The following MRGPRX3 variants were observed in gnomAD, a reference collection of about 807,000 sequenced individuals.
MRGPRX3 encodes MAS related GPR family member X3, also known as mas-related G protein-coupled receptor member X3.
MRGPRX3 carries 14 observed loss-of-function variants against 16.5 expected under a neutral mutation model. That is an observed-to-expected ratio of 0.85 (90% CI 0.56 to 1.33). The LOEUF (loss-of-function observed/expected upper bound fraction) is 1.33, where lower values mean the gene tolerates loss of function less well. Among genes scored for constraint, MRGPRX3 ranks in the 40% most tolerant of loss-of-function variants. The probability of loss-of-function intolerance (pLI) is 0.00; values close to 1 mark genes in which losing one functional copy is unlikely to be tolerated. For synonymous variants in MRGPRX3, 199 were observed against 180.1 expected, an observed-to-expected ratio of 1.10 and a Z score of -0.84; for missense variants, 449 against 413.0, an observed-to-expected ratio of 1.09 and a Z score of -0.76.
Position 18,137,435 on chromosome 11 carries a change from G to A in MRGPRX3, c.233G>A (p.Gly78Asp). The stretch of plus-strand genomic sequence containing the variant: ...GCGGCCGACTTCCTCTTCCTTAGCG[G>A]CCACATTATATGTTCGCCGTTACGC... The part of the protein sequence containing the change: ...LVAADFLFLS[G>D]HIICSPLRLI... The change falls in exon 2 of 2, where the codon GGC (glycine) becomes GAC (aspartate). Residue 78 changes from glycine to aspartate, a missense_variant. Gly to Asp is a moderately conservative substitution (Grantham distance 94). Coordinates refer to ENST00000621697, the MANE Select transcript of MRGPRX3 (RefSeq NM_001370464.1). The A allele has an allele frequency of 6.2e-7, 1 of 1,614,158 alleles. No homozygotes were observed. The highest frequency in any genetic ancestry group is 8.5e-7 in the Non-Finnish European group (1 of 1,180,042).
chr11:18,129,577 G>C (rs1161557614), upstream of MRGPRX3, among the ~76,000 whole-genome samples: 1 of 152,116 alleles, frequency 6.6e-6, no homozygotes, highest in Non-Finnish European at 1.5e-5. Flanking sequence ...TACAAGACCA[G>C]ATGTATTCAC....
Position 18,138,047 on chromosome 11 carries a change from A to G in MRGPRX3, c.845A>G (p.Gln282Arg), listed in dbSNP as rs1295028826. ...TTCGTGGGCTCCTTTAGGCAGCGTC[A>G]AAATAGGCAGAACCTGAAGCTGGTT... ...YFFVGSFRQR[Q>R]NRQNLKLVLQ... The change falls in exon 2 of 2, where the codon CAA (glutamine) becomes CGA (arginine). Residue 282 changes from glutamine (Q) to arginine (R), a missense_variant. Gln to Arg is a conservative substitution (Grantham distance 43). Coordinates refer to ENST00000621697, the MANE Select transcript of MRGPRX3 (RefSeq NM_001370464.1). The G allele has an allele frequency of 4.3e-6, 7 of 1,614,042 alleles. No homozygotes were observed. The highest frequency in any genetic ancestry group is 5.9e-6 in the Non-Finnish European group (7 of 1,180,040).
chr11:18,134,967 C>T (rs565039448), intron 1 of MRGPRX3, among the ~76,000 whole-genome samples: 7 of 152,300 alleles, frequency 4.6e-5, no homozygotes, highest in Non-Finnish European at 1.0e-4. Context: ...CCAGCAGTCT[C>T]TTCAGCCCCT....
rs780805959 is a variant in MRGPRX3, at chr11:18,137,226, G to A, written c.24G>A (p.Leu8=). 8 of 1,603,906 alleles carry A rather than the reference G, an allele frequency of 5.0e-6. No homozygotes were observed. Among genetic ancestry groups the A allele is most frequent in the African/African-American group, 1.3e-5 (1 of 74,714 alleles). Residue 8 remains leucine, a synonymous_variant, in exon 2 of 2, where the codon TTG becomes TTA. Coordinates refer to ENST00000621697, the MANE Select transcript of MRGPRX3 (RefSeq NM_001370464.1). ...GCATGGATTCAACCATCCCAGTCTT[G>A]GGTACAGAACTGACACCAATCAACG... The part of the protein sequence containing the change: MDSTIPV[L]GTELTPINGR...
chr11:18,127,283 C>A (rs946689985), intron 1 of MRGPRX3, among the ~76,000 whole-genome samples: 5 of 152,146 alleles, frequency 3.3e-5, no homozygotes, highest in African/African-American at 4.8e-5. Context: ...ATCTTTGTGG[C>A]ATTCTCTGTA....
rs1483858168 is a variant in MRGPRX3, at chr11:18,138,397, T to C, written c.*226T>C. On this transcript the variant is annotated 3_prime_UTR_variant, in exon 2 of 2. Coordinates refer to ENST00000621697, the MANE Select transcript of MRGPRX3 (RefSeq NM_001370464.1). ...TTCTCCTTGATATTACCAATACATT[T>C]TCCCTGTTATCTTGCACTGAATCTT... 3 of 575,188 alleles carry C rather than the reference T, an allele frequency of 5.2e-6. No homozygotes were observed. Among genetic ancestry groups the C allele is most frequent in the Non-Finnish European group, 8.7e-6 (3 of 344,220 alleles). 35.6% of individuals were successfully genotyped at this position (575,188 alleles called of 1,614,324 possible). A position where few individuals can be genotyped will look rare whatever the true frequency, so the allele number is the denominator to read the frequency against.
At chr11:18,131,087 G>C (rs1226884880), upstream of MRGPRX3, among the ~76,000 whole-genome samples, 1 of 152,126 alleles carries the variant, frequency 6.6e-6, no homozygotes, top group Non-Finnish European at 1.5e-5. Flanking sequence ...AATTCTAGAA[G>C]ATAACATCAG....
rs771379047 is a variant in MRGPRX3, at chr11:18,137,807, T to G, written c.605T>G (p.Ile202Ser). 80 of 1,614,096 alleles carry G rather than the reference T, an allele frequency of 5.0e-5. No homozygotes were observed. The highest frequency in any genetic ancestry group is 6.6e-5 in the Non-Finnish European group (78 of 1,180,042). ...TCCAGCCTGGTCCTGCTGGTCAGGA[T>G]TCTCTGTGGATCCCGGAAGATGCCG... is the stretch of plus-strand genomic sequence containing the variant. ...CGSSLVLLVRILCGSRKMPLT... is the reference protein window; with the variant it reads ...CGSSLVLLVRSLCGSRKMPLT... The change falls in exon 2 of 2, where the codon ATT becomes AGT. Residue 202 changes from isoleucine (I) to serine (S), a missense_variant. Ile to Ser is a moderately radical substitution (Grantham distance 142). Coordinates refer to ENST00000621697, the MANE Select transcript of MRGPRX3 (RefSeq NM_001370464.1).
At chr11:18,126,660 G>A (rs776595169) in intron 1 of MRGPRX3, among the ~76,000 whole-genome samples, 8 of 151,472 alleles carry the variant, frequency 5.3e-5, no homozygotes, top group African/African-American at 7.3e-5. Context: ...CCCCACAACC[G>A]TTCCCAGTGT....
At chr11:18,131,924 C>T (rs7118799), upstream of MRGPRX3, among the ~76,000 whole-genome samples, 7,737 of 151,864 alleles carry the variant, frequency 0.051, 649 homozygotes, top group African/African-American at 0.18. Flanking sequence ...GGAAGAGAGG[C>T]GAGGGATAAA....
upstream of MRGPRX3, among the ~76,000 whole-genome samples, chr11:18,127,597 C>T (rs575333902): frequency 6.6e-6 from 1 of 152,368 alleles, no homozygotes; most frequent in East Asian, 1.9e-4. Flanking sequence ...TCATGTAGTT[C>T]TCGTGCCGTG....
intron 1 of MRGPRX3, among the ~76,000 whole-genome samples, chr11:18,123,863 T>C (rs1431781606): frequency 1.3e-5 from 2 of 152,218 alleles, no homozygotes; most frequent in African/African-American, 4.8e-5. Context: ...TTTTATTTCA[T>C]TGAGCAGTGG....
chr11:18,124,005 A>G (rs560461720), intron 1 of MRGPRX3, among the ~76,000 whole-genome samples: 29 of 152,288 alleles, frequency 1.9e-4, no homozygotes, highest in African/African-American at 5.3e-4. Context: ...TTATTGGTGT[A>G]CAAGAATGCT....
At chr11:18,136,926 G>A (rs561670419) in intron 1 of MRGPRX3, among the ~76,000 whole-genome samples, 1 of 152,300 alleles carries the variant, frequency 6.6e-6, no homozygotes, top group East Asian at 1.9e-4. Flanking sequence ...ATGAGTGGGG[G>A]TGTTTTGATC....
rs774840846 is a variant in MRGPRX3 at position 18,137,193 on chromosome 11, G to A, written c.-10G>A. ...CTGTTTCCAGGGTCATCAGACTGGG[G>A]TTTCTGAGCATGGATTCAACCATCC... is the stretch of plus-strand genomic sequence containing the variant. On this transcript the variant is annotated 5_prime_UTR_variant, in exon 2 of 2. Transcript: ENST00000621697. 1 of 1,572,906 alleles carries A rather than the reference G, an allele frequency of 6.4e-7. No individual in the cohort carries two copies. The highest frequency in any genetic ancestry group is 8.6e-7 in the Non-Finnish European group (1 of 1,157,000).
chr11:18,128,394 G>A (rs904302063), upstream of MRGPRX3, among the ~76,000 whole-genome samples: 1 of 152,254 alleles, frequency 6.6e-6, no homozygotes, highest in Non-Finnish European at 1.5e-5. Context: ...TACAGAGGCA[G>A]GCAGGCCTCC....
rs1379821499 is a variant in MRGPRX3, at chr11:18,137,485, T to C, written c.283T>C (p.Ser95Pro). 2.5e-6 allele frequency: 4 copies of C among 1,614,022 alleles called. No individual in the cohort carries two copies. The highest frequency in any genetic ancestry group is 1.1e-5 in the South Asian group (1 of 91,068). Residue 95 changes from serine to proline, a missense_variant, in exon 2 of 2, where the codon TCC (serine) becomes CCC (proline). Physicochemically the swap from Ser to Pro is moderately conservative, Grantham distance 74. Transcript: ENST00000621697. ...LRLINIRHPI[S>P]KILSPVMTFP... ...CCTCATCAATATCCGCCATCCCATCTCCAAAATCCTCAGTCCTGTGATGAC... is the reference window on the plus strand; with the variant it reads ...CCTCATCAATATCCGCCATCCCATCCCCAAAATCCTCAGTCCTGTGATGAC...
In MRGPRX3 at chr11:18,123,469, G is replaced by C. The variant is rs529931091; in HGVS notation, c.-152+2305G>C. 4.4e-3 allele frequency among the ~76,000 whole-genome samples: 666 copies of C among 152,164 alleles called. 3 individuals are homozygous for C. Among genetic ancestry groups the C allele is most frequent in the Middle Eastern group, 6.8e-3 (2 of 294 alleles). ...AATCCTTTCCCCATTGCTTGTTTTT[G>C]TCAGGTTTGTCAAATATCAGATAGT... On this transcript the variant is annotated intron_variant, in intron 1 of 2. Transcript: ENST00000396275.
chr11:18,121,698 A>ACC (rs565954580), intron 1 of MRGPRX3, among the ~76,000 whole-genome samples: 3,159 of 152,162 alleles, frequency 0.021, 104 homozygotes, highest in African/African-American at 0.072. Flanking sequence ...CTGTGACCTT[A>ACC]CCCCCAACCC....
Sources: gnomAD v4.1 joint callset for allele counts (sites outside exome capture counted in the v4.1 genomes callset) on GRCh38, gnomAD v4.1.1 for gene constraint, MANE v1.5 for transcripts, NCBI Gene and HGNC (gene_info 2026-07-23, HGNC 2026-07-21) for gene names.